Variants in MACF1 observed in about 807,000 individuals in gnomAD.
The protein encoded by MACF1 is microtubule-actin cross-linking factor 1.
Under a neutral mutation model 854.8 loss-of-function variants are expected in MACF1, and 193 were observed. The ratio of observed to expected loss-of-function variants is 0.23; its 90% CI spans 0.20 to 0.25. MACF1 has a LOEUF of 0.25. Ranked by LOEUF, MACF1 falls within the 10% of genes least tolerant of loss-of-function variation. MACF1 has a pLI of 1.00. For synonymous variants in MACF1, 3,185 were observed against 3,226.7 expected (o/e 0.99, Z 0.44); for missense variants, 7,722 against 8,929.1 (o/e 0.86, Z 5.45).
chr1:39,417,353 A>G (rs1643354161), intron 58 of MACF1, among the ~76,000 whole-genome samples: 1 of 152,188 alleles, frequency 6.6e-6, no homozygotes, highest in Admixed American at 6.5e-5. Context: ...AGGAAGAAAA[A>G]AACCTTTTGT....
At chr1:39,356,471 C>G (rs752008873) in intron 44 of MACF1, among the ~76,000 whole-genome samples, 1 of 151,724 alleles carries the variant, frequency 6.6e-6, no homozygotes, top group Non-Finnish European at 1.5e-5. Flanking sequence ...CTCCCAGGTT[C>G]AAGCAATTCT....
intron 2 of MACF1, among the ~76,000 whole-genome samples, chr1:39,129,313 A>G (rs1037111261): frequency 6.6e-6 from 1 of 152,154 alleles, no homozygotes; most frequent in African/African-American, 2.4e-5. Flanking sequence ...AAGGGGATGG[A>G]TGGGAGGATG....
At chr1:39,393,196 AATATATAT>A (rs1553345251) in intron 58 of MACF1, among the ~76,000 whole-genome samples, 3 of 66,576 alleles carry the variant, frequency 4.5e-5, no homozygotes, top group East Asian at 4.3e-4. Flanking sequence ...AAAAAAAAAA[AATATATAT>A]ATATATATAT....
At chr1:39,223,886 CT>C (rs1260152239) in intron 1 of MACF1, among the ~76,000 whole-genome samples, 4 of 152,142 alleles carry the variant, frequency 2.6e-5, no homozygotes, top group African/African-American at 4.8e-5. Context: ...CAAGATTAAC[CT>C]TGCCAGAAAG....
chr1:39,289,253 C>G (rs1645717054), intron 15 of MACF1, among the ~76,000 whole-genome samples: 1 of 152,142 alleles, frequency 6.6e-6, no homozygotes, highest in African/African-American at 2.4e-5. Context: ...AGTATATACC[C>G]AGCAGTGGGA....
chr1:39,412,222 A>G, intron 58 of MACF1: 1 of 1,614,000 alleles, frequency 6.2e-7, no homozygotes, highest in Non-Finnish European at 8.5e-7. Context: ...GGTCACCTTC[A>G]GTTTTGCTTT....
At chr1:39,446,986 A>G (rs570560813) in intron 80 of MACF1, among the ~76,000 whole-genome samples, 1 of 152,348 alleles carries the variant, frequency 6.6e-6, no homozygotes, top group Admixed American at 6.5e-5. Context: ...AACAAAGAGT[A>G]CTACATTGAA....
At chr1:39,410,450 T>G in intron 58 of MACF1, 1 of 1,613,942 alleles carries the variant, frequency 6.2e-7, no homozygotes, top group South Asian at 1.1e-5. Context: ...AAAAGCACCA[T>G]GGAAAAGATG....
chr1:39,268,186 T>G (rs527927890), intron 6 of MACF1, among the ~76,000 whole-genome samples: 4 of 152,320 alleles, frequency 2.6e-5, no homozygotes, highest in Admixed American at 6.5e-5. Context: ...GCTGGTTTGC[T>G]TTTTCCCTTT....
chr1:39,203,862 T>G (rs537396095), upstream of MACF1, among the ~76,000 whole-genome samples: 16 of 152,348 alleles, frequency 1.1e-4, no homozygotes, highest in African/African-American at 3.8e-4. Context: ...GACATTTGGG[T>G]TGTTTCCAGT....
intron 2 of MACF1, among the ~76,000 whole-genome samples, chr1:39,233,028 GTTGTGTTTTGTT>G (rs1557532644): frequency 2.6e-4 from 22 of 84,980 alleles, no homozygotes; most frequent in African/African-American, 6.5e-4. Context: ...TGTTGTTGTT[GTTGTGTTTTGTT>G]TTTTGTTTTT....
chr1:39,378,994 C>CT (rs751866885), intron 53 of MACF1, among the ~76,000 whole-genome samples: 3 of 152,146 alleles, frequency 2.0e-5, no homozygotes, highest in Non-Finnish European at 4.4e-5. Flanking sequence ...AGGTATACAT[C>CT]TGAGTATATA....
At chr1:39,103,220 CCT>C in intron 2 of MACF1, 1 of 349,790 alleles carries the variant, frequency 2.9e-6, no homozygotes, top group African/African-American at 2.1e-5. Context: ...GGACTCTTCC[CCT>C]TTTTGCCCCT....
chr1:39,427,339 T>G (rs948274729), intron 61 of MACF1, 116 bp from the exon 62 acceptor site: 1 of 827,462 alleles, frequency 1.2e-6, no homozygotes, highest in Admixed American at 2.5e-5. Flanking sequence ...GTGTTCTGTT[T>G]ACTATTGGTA....
At chr1:39,295,202 A>G (rs1557570188) in intron 19 of MACF1, 52 bp downstream of exon 19, 2 of 1,437,664 alleles carry the variant, frequency 1.4e-6, no homozygotes, top group South Asian at 1.2e-5. Context: ...TTGTTGTTAT[A>G]AAAGTATTCA....
In MACF1 at chr1:39,285,208, G is replaced by A. The variant is rs771557555; in HGVS notation, c.1257G>A (p.Glu419=). 6.2e-7 allele frequency: 1 copy of A among 1,614,238 alleles called. No homozygotes were observed. Among genetic ancestry groups the A allele is most frequent in the South Asian group, 1.1e-5 (1 of 91,082 alleles). Reference sequence around the variant, plus strand: ...AGAAATCACTTCGGCCGGCTGTGGAGAGGTGGGTCCAGATCCTGAGAGTGG... The same window carrying A: ...AGAAATCACTTCGGCCGGCTGTGGAAAGGTGGGTCCAGATCCTGAGAGTGG... ...EREKSLRPAV[E]RLELLLQIAN... Residue 419 remains glutamate, a splice_region_variant and synonymous_variant, in exon 12 of 101, where the codon GAG becomes GAA. Coordinates refer to ENST00000564288, the MANE Select transcript of MACF1 (RefSeq NM_001394062.1).
In MACF1 at chr1:39,368,269, A is replaced by G. The variant is rs755812857; in HGVS notation, c.12893A>G (p.Asn4298Ser). The change falls in exon 50 of 101, where the codon AAT (asparagine) becomes AGT (serine). Residue 4298 changes from asparagine (N) to serine (S), a missense_variant. Physicochemically the swap from Asn to Ser is conservative, Grantham distance 46 (BLOSUM62 1). Around this residue, in one of 15 missense-constraint regions of MACF1, gnomAD observed 2,807 missense variants for 3,235.8 expected, o/e 0.87. Coordinates refer to ENST00000564288, the MANE Select transcript of MACF1 (RefSeq NM_001394062.1). ...DLCQHQDRVQ[N>S]LRKDFTELQK... ...TGCCAGCATCAGGACAGGGTACAGA[A>G]TCTAAGAAAAGACTTCACAGAGCTA... 1.9e-6 allele frequency: 3 copies of G among 1,614,098 alleles called. No individual in the cohort carries two copies. Among genetic ancestry groups the G allele is most frequent in the African/African-American group, 2.7e-5 (2 of 75,040 alleles).
chr1:39,405,639 AT>A (rs1642666940), intron 58 of MACF1, among the ~76,000 whole-genome samples: 1 of 152,186 alleles, frequency 6.6e-6, no homozygotes, highest in African/African-American at 2.4e-5. Flanking sequence ...AAGGGCCAGG[AT>A]TTTTCTTTCT....
intron 2 of MACF1, among the ~76,000 whole-genome samples, chr1:39,176,377 C>A (rs1436212838): frequency 6.6e-6 from 1 of 151,866 alleles, no homozygotes; most frequent in Non-Finnish European, 1.5e-5. Flanking sequence ...GTTAGCTTGT[C>A]CCATTTCTTA....
Sources: gnomAD v4.1 joint callset for allele counts (sites outside exome capture counted in the v4.1 genomes callset) on GRCh38, gnomAD v4.1.1 for gene constraint, gnomAD v4.1.1 regional missense constraint, MANE v1.5 for transcripts, NCBI Gene and HGNC (gene_info 2026-07-23, HGNC 2026-07-21) for gene names.